The following DBX2 variants were observed in gnomAD, a reference collection of about 807,000 sequenced individuals.
DBX2 encodes the protein homeobox protein DBX2.
DBX2 carries 16 observed loss-of-function variants against 17.7 expected under a neutral mutation model. The observed-to-expected ratio is 0.90, with a 90% CI of 0.61 to 1.37. The LOEUF (loss-of-function observed/expected upper bound fraction) is 1.37. Ranked by LOEUF, DBX2 falls within the 40% of genes most tolerant of loss-of-function variation. The probability of loss-of-function intolerance (pLI) is 0.00; values close to 1 mark genes in which losing one functional copy is unlikely to be tolerated. For synonymous variants in DBX2, 255 were observed against 183.8 expected (o/e 1.39, Z -3.13); for missense variants, 538 against 433.8 (o/e 1.24, Z -2.13).
In DBX2 at chr12:45,033,912, G is replaced by A. The variant is rs1231083084; in HGVS notation, c.499+2107C>T. 2.6e-5 allele frequency among the ~76,000 whole-genome samples: 4 copies of A among 152,078 alleles called. No homozygotes were observed. In the East Asian group the frequency reaches 5.8e-4, roughly 22 times the overall value. On this transcript the variant is annotated intron_variant, in intron 2 of 3. Coordinates refer to ENST00000332700, the MANE Select transcript of DBX2 (RefSeq NM_001004329.3). ...AAAAGGCACAAAGTAGAAAGGACTG[G>A]GAAGCAGATGGAGAAAAATAAGACC...
At chr12:45,017,842 A>G (rs1313419159) in intron 3 of DBX2, among the ~76,000 whole-genome samples, 1 of 152,170 alleles carries the variant, frequency 6.6e-6, no homozygotes, top group Non-Finnish European at 1.5e-5. Context: ...TACACTAACA[A>G]TTTAGTTGAT....
At chr12:45,033,726 A>G (rs1410054852) in intron 2 of DBX2, among the ~76,000 whole-genome samples, 1 of 152,192 alleles carries the variant, frequency 6.6e-6, no homozygotes, top group Non-Finnish European at 1.5e-5. Context: ...AACTGTTTTA[A>G]AATGCCAACT....
Position 45,019,155 on chromosome 12 carries a change from AT to A in DBX2, c.688-2538del, listed in dbSNP as rs1259611335. ...TAAAATGATAAATTCTGCTATGCAT[AT>A]TTTACCTCAATAAAAAAAAGCCACA... On this transcript the variant is annotated intron_variant, in intron 3 of 3. Coordinates refer to ENST00000332700, the MANE Select transcript of DBX2 (RefSeq NM_001004329.3). 5.3e-5 allele frequency among the ~76,000 whole-genome samples: 8 copies of A among 152,030 alleles called. 1 individual carries two copies. Among genetic ancestry groups the A allele is most frequent in the African/African-American group, 1.9e-4 (8 of 41,414 alleles).
chr12:45,023,807 T>C lies in DBX2; in HGVS notation c.587A>G (p.Asp196Gly), dbSNP rs750920090. 3.5e-5 allele frequency: 56 copies of C among 1,612,524 alleles called. No individual in the cohort carries two copies. The highest frequency in any genetic ancestry group is 4.3e-5 in the Non-Finnish European group (51 of 1,179,510). Reference protein sequence around the residue: ...GILRRAVFSEDQRKALEKMFQ... With the variant: ...GILRRAVFSEGQRKALEKMFQ... ...CATTTTCTCCAGAGCCTTTCTCTGG[T>C]CCTCAGAAAAGACAGCTCTTCTTAA... Residue 196 changes from aspartate (D) to glycine (G), a missense_variant, in exon 3 of 4, where the codon GAC (aspartate) becomes GGC (glycine). Physicochemically the swap from Asp to Gly is moderately conservative, Grantham distance 94. Coordinates refer to ENST00000332700, the MANE Select transcript of DBX2 (RefSeq NM_001004329.3).
intron 2 of DBX2, among the ~76,000 whole-genome samples, chr12:45,028,283 G>C (rs966292037): frequency 2.6e-5 from 4 of 152,186 alleles, no homozygotes; most frequent in Admixed American, 6.5e-5. Context: ...GGGAAGCCTT[G>C]CAAGAAGGAC....
rs780127355 is a variant in DBX2, at chr12:45,050,891, A to G, written c.37T>C (p.Tyr13His). 4 of 1,522,198 alleles carry G rather than the reference A, an allele frequency of 2.6e-6. No homozygotes were observed. The East Asian group carries it at 8.1e-5, about 31-fold the overall frequency. 94.3% of individuals were successfully genotyped at this position (1,522,198 alleles called of 1,614,324 possible). Residue 13 changes from tyrosine to histidine, a missense_variant, in exon 1 of 4, where the codon TAC (tyrosine) becomes CAC (histidine). Physicochemically the swap from Tyr to His is moderately conservative, Grantham distance 83. Transcript: ENST00000332700. ...PSAVAAHAGA[Y>H]WDVVASSALL... is the part of the protein sequence containing the mutation. Reference sequence around the variant, plus strand: ...GCGGAGGAAGCCACAACGTCCCAGTACGCACCGGCGTGGGCTGCGACCGCG... The same window carrying G: ...GCGGAGGAAGCCACAACGTCCCAGTGCGCACCGGCGTGGGCTGCGACCGCG...
At chr12:45,021,386 T>TA (rs1299923238) in intron 3 of DBX2, among the ~76,000 whole-genome samples, 2 of 152,158 alleles carry the variant, frequency 1.3e-5, no homozygotes, top group Non-Finnish European at 2.9e-5. Flanking sequence ...ATTGTGGTCA[T>TA]ACCCCATAAT....
At chr12:45,046,124 T>A (rs1946498750) in intron 1 of DBX2, among the ~76,000 whole-genome samples, 1 of 152,154 alleles carries the variant, frequency 6.6e-6, no homozygotes, top group African/African-American at 2.4e-5. Flanking sequence ...GACAGAGATA[T>A]TGGTTCTAAT....
intron 2 of DBX2, among the ~76,000 whole-genome samples, chr12:45,031,872 T>C (rs1334804688): frequency 1.3e-5 from 2 of 152,130 alleles, no homozygotes; most frequent in East Asian, 3.8e-4. Context: ...CCCCCTCCCC[T>C]ATTCTTCACT....
chr12:45,039,277 G>GTATATATA (rs58371508), intron 1 of DBX2, among the ~76,000 whole-genome samples: 31 of 90,282 alleles, frequency 3.4e-4, no homozygotes, highest in Non-Finnish European at 4.3e-4. Flanking sequence ...TGCATTGAAG[G>GTATATATA]TATATATATA....
chr12:45,021,837 C>T (rs1471743207), intron 3 of DBX2, among the ~76,000 whole-genome samples: 4 of 131,218 alleles, frequency 3.0e-5, no homozygotes, highest in African/African-American at 1.1e-4. Flanking sequence ...GGCAGTATAT[C>T]TAACCTATCA....
chr12:45,037,558 T>A (rs1946447331), intron 1 of DBX2, among the ~76,000 whole-genome samples: 1 of 152,136 alleles, frequency 6.6e-6, no homozygotes, highest in Non-Finnish European at 1.5e-5. Context: ...TTTTTATTAT[T>A]ATTCTTTCAT....
intron 1 of DBX2, among the ~76,000 whole-genome samples, chr12:45,045,641 G>A (rs1426709255): frequency 6.6e-6 from 1 of 152,174 alleles, no homozygotes; most frequent in Non-Finnish European, 1.5e-5. Flanking sequence ...GCACAGCTTA[G>A]GTTCCAATAT....
intron 3 of DBX2, among the ~76,000 whole-genome samples, chr12:45,021,343 T>C (rs947400351): frequency 2.0e-5 from 3 of 152,120 alleles, no homozygotes; most frequent in Non-Finnish European, 4.4e-5. Flanking sequence ...GGCAAACAAA[T>C]AGGAAAATAG....
At chr12:45,025,209 T>C (rs921593559) in intron 2 of DBX2, among the ~76,000 whole-genome samples, 2 of 152,186 alleles carry the variant, frequency 1.3e-5, no homozygotes, top group African/African-American at 4.8e-5. Flanking sequence ...AATCATAAGA[T>C]TCCTTATAAT....
Position 45,031,225 on chromosome 12 carries a change from T to TGAGAGAGAGAGA in DBX2, c.499+4782_499+4793dup, listed in dbSNP as rs72031074. On this transcript the variant is annotated intron_variant, in intron 2 of 3. Coordinates refer to ENST00000332700, the MANE Select transcript of DBX2 (RefSeq NM_001004329.3). ...GTGTGTGTGTGTGTGTGTGTGTGTG[T>TGAGAGAGAGAGA]GAGAGAGAGAGAGAGAGAGAGAGAG... Among the ~76,000 whole-genome samples the TGAGAGAGAGAGA allele has an allele frequency of 2.3e-3, 199 of 85,646 alleles. 2 individuals are homozygous for TGAGAGAGAGAGA. The highest frequency in any genetic ancestry group is 0.023 in the Middle Eastern group (3 of 132). 56.2% of individuals were successfully genotyped at this position (85,646 alleles called of 152,430 possible). A position where few individuals can be genotyped will look rare whatever the true frequency, so the allele number is the denominator to read the frequency against.
chr12:45,023,677 G>A, intron 3 of DBX2, 30 bp downstream of exon 3: 1 of 1,612,336 alleles, frequency 6.2e-7, no homozygotes, highest in Non-Finnish European at 8.5e-7. Context: ...AGAAATCAGA[G>A]GCAGTAGACA....
chr12:45,018,229 C>T (rs1688838080), intron 3 of DBX2, among the ~76,000 whole-genome samples: 1 of 152,126 alleles, frequency 6.6e-6, no homozygotes, highest in African/African-American at 2.4e-5. Context: ...TTCACTGAGA[C>T]AGTTTTTTGT....
At chr12:45,025,117 A>C (rs180896905) in intron 2 of DBX2, among the ~76,000 whole-genome samples, 1 of 152,364 alleles carries the variant, frequency 6.6e-6, no homozygotes, top group East Asian at 1.9e-4. Flanking sequence ...AGGGGAACTA[A>C]GGTTGCAAAT....
Sources: allele counts gnomAD v4.1 joint callset (sites outside exome capture counted in the v4.1 genomes callset), GRCh38; gene constraint gnomAD v4.1.1; transcripts MANE v1.5; gene names NCBI Gene and HGNC (gene_info 2026-07-23, HGNC 2026-07-21).